The following RYR2 variants were observed in gnomAD, a reference collection of about 807,000 sequenced individuals.
The protein encoded by RYR2 is ryanodine receptor 2.
Under a neutral mutation model 601.1 loss-of-function variants are expected in RYR2, and 227 were observed. The ratio of observed to expected loss-of-function variants is 0.38; its 90% CI spans 0.34 to 0.42. The LOEUF (loss-of-function observed/expected upper bound fraction) is 0.42, where lower values mean the gene tolerates loss of function less well. Among genes scored for constraint, RYR2 ranks in the 10% least tolerant of loss-of-function variants. The pLI is 1.00. For synonymous variants in RYR2, 2,223 were observed against 2,175.1 expected (o/e 1.02, Z -0.61); for missense variants, 4,646 against 6,156.5 (o/e 0.75, Z 8.21).
At chr1:237,117,281 G>C (rs1232349731) in intron 1 of RYR2, among the ~76,000 whole-genome samples, 3 of 152,142 alleles carry the variant, frequency 2.0e-5, no homozygotes, top group Non-Finnish European at 4.4e-5. Context: ...CATGGTGGGA[G>C]TGGGGGATAA....
At chr1:237,345,364 T>G (rs917886507) in intron 3 of RYR2, among the ~76,000 whole-genome samples, 8 of 152,098 alleles carry the variant, frequency 5.3e-5, no homozygotes, top group Non-Finnish European at 1.2e-4. Context: ...TATATGAAAT[T>G]TATTATTCAT....
At chr1:237,808,804 G>A in intron 99 of RYR2, 97 bp from the exon 100 acceptor site, 18 of 1,131,174 alleles carry the variant, frequency 1.6e-5, no homozygotes, top group Non-Finnish European at 2.3e-5. Flanking sequence ...AAACACGGCT[G>A]TGTTCTCACT....
chr1:237,392,201 T>C (rs1399572050), intron 10 of RYR2, among the ~76,000 whole-genome samples: 1 of 152,108 alleles, frequency 6.6e-6, no homozygotes, highest in East Asian at 1.9e-4. Flanking sequence ...TGGGAAGGGA[T>C]GTGTCAGTAT....
intron 29 of RYR2, 116 bp from the exon 30 acceptor site, chr1:237,589,677 C>A: frequency 2.3e-6 from 2 of 871,246 alleles, no homozygotes; most frequent in Non-Finnish European, 3.6e-6. Context: ...CTACTTTTTT[C>A]ACCCTAGGGT....
At chr1:237,255,510 A>T (rs1161605586) in intron 1 of RYR2, among the ~76,000 whole-genome samples, 1 of 152,192 alleles carries the variant, frequency 6.6e-6, no homozygotes, top group African/African-American at 2.4e-5. Context: ...ACATAGGAAC[A>T]AAAAAATTTC....
intron 53 of RYR2, among the ~76,000 whole-genome samples, chr1:237,657,358 A>G (rs1558155828): frequency 6.6e-6 from 1 of 151,958 alleles, no homozygotes; most frequent in South Asian, 2.1e-4. Flanking sequence ...TATATATTTA[A>G]TTTTCCATTC....
At chr1:237,238,998 T>C (rs1271541434) in intron 1 of RYR2, among the ~76,000 whole-genome samples, 1 of 152,164 alleles carries the variant, frequency 6.6e-6, no homozygotes, top group Non-Finnish European at 1.5e-5. Context: ...CATGAAGACA[T>C]TGAGTGTGCT....
intron 10 of RYR2, among the ~76,000 whole-genome samples, chr1:237,397,681 C>T (rs1019674381): frequency 1.3e-5 from 2 of 151,394 alleles, no homozygotes; most frequent in African/African-American, 2.4e-5. Flanking sequence ...GGGGACTTAA[C>T]ACTTGTATGG....
intron 1 of RYR2, among the ~76,000 whole-genome samples, chr1:237,217,494 A>G (rs1425938460): frequency 6.6e-6 from 1 of 152,192 alleles, no homozygotes; most frequent in Non-Finnish European, 1.5e-5. Flanking sequence ...TGCACATCGC[A>G]TAACAGCTGT....
chr1:237,066,223 G>C (rs9428371), intron 1 of RYR2, among the ~76,000 whole-genome samples: 117,919 of 152,188 alleles, frequency 0.77, 46,252 homozygotes, highest in East Asian at 0.99. Context: ...TCTCATGTCT[G>C]TTTACATTCT....
chr1:237,683,605 T>C (rs1686085096), intron 62 of RYR2, among the ~76,000 whole-genome samples: 1 of 152,186 alleles, frequency 6.6e-6, no homozygotes, highest in Non-Finnish European at 1.5e-5. Flanking sequence ...AAGCTGGTAA[T>C]TTAGGGGAAA....
chr1:237,206,187 G>A (rs563704944), intron 1 of RYR2, among the ~76,000 whole-genome samples: 1 of 152,256 alleles, frequency 6.6e-6, no homozygotes, highest in South Asian at 2.1e-4. Flanking sequence ...GAAGTACCAG[G>A]GGGACCGTGA....
In RYR2 at chr1:237,083,785, G is replaced by A. The variant is rs142380281; in HGVS notation, c.48+41216G>A. On this transcript the variant is annotated intron_variant, in intron 1 of 104. Transcript: ENST00000366574. The stretch of plus-strand genomic sequence containing the variant: ...TGGCCTTACCACTCACTGAAATGGC[G>A]CTGAAAGATGACCAGGGAGCTCTCA... Among the ~76,000 whole-genome samples the A allele has an allele frequency of 3.3e-5, 5 of 152,208 alleles. No homozygotes were observed. In the East Asian group the frequency reaches 5.8e-4, roughly 18 times the overall value.
At chr1:237,141,677 G>T (rs905336296) in intron 1 of RYR2, among the ~76,000 whole-genome samples, 1 of 152,334 alleles carries the variant, frequency 6.6e-6, no homozygotes, top group Admixed American at 6.5e-5. Flanking sequence ...GCGGCAGCGG[G>T]ACAGCTTTAG....
chr1:237,517,404 G>A (rs1666653295), intron 24 of RYR2, among the ~76,000 whole-genome samples: 1 of 152,172 alleles, frequency 6.6e-6, no homozygotes, highest in Admixed American at 6.5e-5. Context: ...GACCAGGGGT[G>A]TCCAATCTTT....
intron 1 of RYR2, among the ~76,000 whole-genome samples, chr1:237,064,652 G>T (rs971953606): frequency 6.6e-6 from 1 of 151,326 alleles, no homozygotes; most frequent in Non-Finnish European, 1.5e-5. Flanking sequence ...AGGCTTATTT[G>T]TCTCCATATT....
chr1:237,236,724 A>G (rs1685584168), intron 1 of RYR2, among the ~76,000 whole-genome samples: 1 of 152,204 alleles, frequency 6.6e-6, no homozygotes, highest in African/African-American at 2.4e-5. Context: ...TAAGCAATTT[A>G]AGATAGAGTT....
intron 28 of RYR2, among the ~76,000 whole-genome samples, chr1:237,567,354 G>A (rs1240215279): frequency 6.8e-6 from 1 of 147,156 alleles, no homozygotes; most frequent in African/African-American, 2.5e-5. Flanking sequence ...TGAGATGGAG[G>A]GATCACTTGG....
intron 1 of RYR2, among the ~76,000 whole-genome samples, chr1:237,100,788 C>T (rs986016200): frequency 6.6e-6 from 1 of 152,092 alleles, no homozygotes; most frequent in Non-Finnish European, 1.5e-5. Context: ...AGTCAGTCCC[C>T]AATTCTGATG....
Sources: gnomAD v4.1 joint callset for allele counts (sites outside exome capture counted in the v4.1 genomes callset) on GRCh38, gnomAD v4.1.1 for gene constraint, MANE v1.5 for transcripts, NCBI Gene and HGNC (gene_info 2026-07-23, HGNC 2026-07-21) for gene names.